Variants in SORCS1 observed in about 807,000 individuals in gnomAD.
SORCS1 encodes the protein VPS10 domain-containing receptor SorCS1.
A neutral mutation model predicts 146.1 loss-of-function variants in SORCS1; 60 were observed. That is an observed-to-expected ratio of 0.41 (90% CI 0.33 to 0.51). The LOEUF is 0.51. Among genes scored for constraint, SORCS1 ranks in the 20% least tolerant of loss-of-function variants. The pLI is 0.21. For synonymous variants in SORCS1, 637 were observed against 584.0 expected (o/e 1.09, Z -1.31); for missense variants, 1,352 against 1,487.6 (o/e 0.91, Z 1.50).
At chr10:106,863,362 T>TAA (rs1434982215) in intron 2 of SORCS1, among the ~76,000 whole-genome samples, 4 of 151,904 alleles carry the variant, frequency 2.6e-5, no homozygotes, top group African/African-American at 9.7e-5. Context: ...CTGTCTGTAG[T>TAA]AAAAGTACAA....
intron 1 of SORCS1, among the ~76,000 whole-genome samples, chr10:107,063,834 C>T (rs1961471358): frequency 6.6e-6 from 1 of 152,122 alleles, no homozygotes. Flanking sequence ...TTCCTCATTC[C>T]CCCATATTCC....
At position 106,782,425 on chromosome 10, in the gene SORCS1, A is replaced by G. The variant is rs147012055; in HGVS notation, c.727-5733T>C. On this transcript the variant is annotated intron_variant, in intron 3 of 25. Transcript: ENST00000263054. Reference sequence around the variant, plus strand: ...CATGAGCCACCATGTAAGGCTGGGAAGAAACATTTTTTTAAGGAGCATGTA... The same window carrying G: ...CATGAGCCACCATGTAAGGCTGGGAGGAAACATTTTTTTAAGGAGCATGTA... Among the ~76,000 whole-genome samples the G allele has an allele frequency of 1.2e-3, 188 of 152,298 alleles. 3 individuals carry two copies. The highest frequency in any genetic ancestry group is 4.5e-3 in the African/African-American group (186 of 41,564).
At chr10:106,990,571 A>G (rs1956725886) in intron 1 of SORCS1, among the ~76,000 whole-genome samples, 1 of 152,160 alleles carries the variant, frequency 6.6e-6, no homozygotes, top group East Asian at 1.9e-4. Flanking sequence ...CACCCAGCCA[A>G]CTTTTTCTTT....
chr10:106,911,851 G>T (rs764095843), intron 2 of SORCS1, among the ~76,000 whole-genome samples: 1 of 152,120 alleles, frequency 6.6e-6, no homozygotes, highest in Non-Finnish European at 1.5e-5. Context: ...GGTGGCTCAC[G>T]CCTGTGATCC....
chr10:106,938,630 G>A lies in SORCS1; in HGVS notation c.626+17883C>T, dbSNP rs114055442. On this transcript the variant is annotated intron_variant, in intron 2 of 25. Transcript: ENST00000263054. The stretch of plus-strand genomic sequence containing the variant: ...GAGGAGCAATTGTATCATGTGCTTA[G>A]ATGGCCCAAAGAATAAGCAGGCAGC... 3.8e-3 allele frequency among the ~76,000 whole-genome samples: 581 copies of A among 152,324 alleles called. 3 individuals are homozygous for A. Among genetic ancestry groups the A allele is most frequent in the African/African-American group, 0.011 (459 of 41,570 alleles).
At chr10:106,646,310 T>C (rs904106427) in intron 18 of SORCS1, among the ~76,000 whole-genome samples, 3 of 152,116 alleles carry the variant, frequency 2.0e-5, no homozygotes, top group Non-Finnish European at 2.9e-5. Flanking sequence ...GTTGGTATAA[T>C]TCCTTTATAC....
intron 1 of SORCS1, among the ~76,000 whole-genome samples, chr10:107,027,868 G>T (rs1216108867): frequency 6.6e-6 from 1 of 152,160 alleles, no homozygotes; most frequent in Non-Finnish European, 1.5e-5. Context: ...TCGTTGGCCT[G>T]CCTGTCAGCC....
At chr10:106,618,029 C>A in intron 21 of SORCS1, 120 bp downstream of exon 21, 1 of 1,339,984 alleles carries the variant, frequency 7.5e-7, no homozygotes. Flanking sequence ...TCTTTCTCAA[C>A]TACTGCCCTC....
intron 4 of SORCS1, among the ~76,000 whole-genome samples, chr10:106,774,245 G>C (rs1424937036): frequency 3.3e-5 from 5 of 152,078 alleles, no homozygotes; most frequent in Non-Finnish European, 1.5e-5. Context: ...TCTTGTTTTT[G>C]ACCTCATATT....
chr10:106,674,847 TC>T (rs1373642765), intron 14 of SORCS1, among the ~76,000 whole-genome samples: 2 of 152,160 alleles, frequency 1.3e-5, no homozygotes, highest in Non-Finnish European at 2.9e-5. Context: ...TCTAAGCGCC[TC>T]AGTCTGGGTC....
chr10:106,850,208 T>C (rs973499051), intron 2 of SORCS1, among the ~76,000 whole-genome samples: 7 of 151,888 alleles, frequency 4.6e-5, no homozygotes, highest in African/African-American at 7.3e-5. Flanking sequence ...TGCAGTTTGA[T>C]CTCAGACTGC....
chr10:106,596,238 G>T (rs1231181103), intron 24 of SORCS1, among the ~76,000 whole-genome samples: 1 of 152,078 alleles, frequency 6.6e-6, no homozygotes, highest in African/African-American at 2.4e-5. Flanking sequence ...CCATCCCACA[G>T]TACCACTGCC....
chr10:106,977,441 G>C (rs1207141451), intron 1 of SORCS1, among the ~76,000 whole-genome samples: 1 of 152,116 alleles, frequency 6.6e-6, no homozygotes, highest in Non-Finnish European at 1.5e-5. Flanking sequence ...AATTTTGTCA[G>C]ATGGGTCGAT....
At chr10:106,963,727 C>G (rs1051255037) in intron 1 of SORCS1, among the ~76,000 whole-genome samples, 2 of 152,100 alleles carry the variant, frequency 1.3e-5, no homozygotes, top group African/African-American at 4.8e-5. Flanking sequence ...AAAACAAGAG[C>G]TTTCTTTAGA....
At chr10:106,943,560 C>T (rs761442182) in intron 2 of SORCS1, among the ~76,000 whole-genome samples, 2 of 152,024 alleles carry the variant, frequency 1.3e-5, no homozygotes, top group Admixed American at 6.6e-5. Flanking sequence ...GTAATCCCAG[C>T]GCTTTGGGAG....
intron 2 of SORCS1, among the ~76,000 whole-genome samples, chr10:106,876,715 T>C (rs899203117): frequency 5.9e-5 from 9 of 152,192 alleles, no homozygotes; most frequent in African/African-American, 2.2e-4. Context: ...TGTTCAGAGA[T>C]TGCTTGGGAA....
At chr10:107,040,364 A>T (rs1959100463) in intron 1 of SORCS1, among the ~76,000 whole-genome samples, 1 of 152,124 alleles carries the variant, frequency 6.6e-6, no homozygotes, top group African/African-American at 2.4e-5. Context: ...CTCCACATTT[A>T]ATTATGCCAG....
At chr10:106,644,113 TACCTAG>T (rs1379008307) in intron 18 of SORCS1, among the ~76,000 whole-genome samples, 1 of 152,174 alleles carries the variant, frequency 6.6e-6, no homozygotes, top group African/African-American at 2.4e-5. Context: ...TTTGCCCAAA[TACCTAG>T]ATATAAAGTA....
Position 106,655,618 on chromosome 10 carries a change from C to T in SORCS1, c.2304-3065G>A, listed in dbSNP as rs748721165. ...AGGAGTTCTGCTTAAATCCAAAGCA[C>T]GAATCCATCCCCCCGGGACTATGCC... On this transcript the variant is annotated intron_variant, in intron 17 of 25. Coordinates refer to ENST00000263054, the MANE Select transcript of SORCS1 (RefSeq NM_052918.5). 8.5e-5 allele frequency among the ~76,000 whole-genome samples: 13 copies of T among 152,208 alleles called. No homozygotes were observed. The South Asian group carries it at 1.2e-3, about 15-fold the overall frequency.
Sources: gnomAD v4.1 joint callset for allele counts (sites outside exome capture counted in the v4.1 genomes callset) on GRCh38, gnomAD v4.1.1 for gene constraint, MANE v1.5 for transcripts, NCBI Gene and HGNC (gene_info 2026-07-23, HGNC 2026-07-21) for gene names.